CSMD1: variants seen among roughly 807,000 people sequenced by gnomAD.
CSMD1 encodes the protein CUB and sushi domain-containing protein 1.
In CSMD1, 213 loss-of-function variants were observed where a neutral mutation model predicts 417.5. The observed-to-expected ratio is 0.51, with a 90% CI of 0.46 to 0.57. CSMD1 has a LOEUF of 0.57. Ranked by LOEUF, CSMD1 falls within the 20% of genes least tolerant of loss-of-function variation. The probability of loss-of-function intolerance (pLI) is 0.00; values close to 1 mark genes in which losing one functional copy is unlikely to be tolerated. For synonymous variants in CSMD1, 2,862 were observed against 1,736.8 expected, an observed-to-expected ratio of 1.65 and a Z score of -16.11; for missense variants, 6,923 against 4,529.7, an observed-to-expected ratio of 1.53 and a Z score of -15.17.
intron 6 of CSMD1, among the ~76,000 whole-genome samples, chr8:3,717,178 C>G (rs1334390194): frequency 6.6e-6 from 1 of 152,100 alleles, no homozygotes; most frequent in Non-Finnish European, 1.5e-5. Flanking sequence ...ATAATTATTA[C>G]ATTTTTTCAT....
intron 25 of CSMD1, among the ~76,000 whole-genome samples, chr8:3,302,336 A>G (rs1468577712): frequency 1.3e-5 from 2 of 152,042 alleles, no homozygotes; most frequent in African/African-American, 4.8e-5. Flanking sequence ...CATCGTTCTC[A>G]TCACAGCATC....
chr8:3,439,772 A>G (rs1814850612), intron 12 of CSMD1, among the ~76,000 whole-genome samples: 1 of 152,136 alleles, frequency 6.6e-6, no homozygotes, highest in Non-Finnish European at 1.5e-5. Context: ...TCTTTTACTA[A>G]AACTTTTATA....
chr8:2,999,431 G>C (rs934021112), intron 53 of CSMD1, among the ~76,000 whole-genome samples: 8 of 152,044 alleles, frequency 5.3e-5, no homozygotes, highest in Admixed American at 4.6e-4. Flanking sequence ...TGGGATTACA[G>C]GCGTGAGCCA....
chr8:3,039,343 CCG>C (rs1473946894), intron 50 of CSMD1, among the ~76,000 whole-genome samples: 15 of 148,586 alleles, frequency 1.0e-4, no homozygotes, highest in African/African-American at 3.6e-4. Flanking sequence ...TTCTTCCTTT[CCG>C]CCTTCCTTCC....
chr8:4,967,603 C>A (rs532897433), intron 1 of CSMD1, among the ~76,000 whole-genome samples: 1 of 152,132 alleles, frequency 6.6e-6, no homozygotes, highest in Admixed American at 6.6e-5. Context: ...AGAGTTGTAA[C>A]AGTACCTATA....
intron 1 of CSMD1, among the ~76,000 whole-genome samples, chr8:4,850,998 T>G (rs544162180): frequency 2.0e-5 from 3 of 151,898 alleles, no homozygotes; most frequent in Admixed American, 1.3e-4. Flanking sequence ...GTGCACAAAG[T>G]GCAGGTTAGT....
At chr8:4,691,993 T>C (rs1039994005) in intron 1 of CSMD1, among the ~76,000 whole-genome samples, 4 of 152,180 alleles carry the variant, frequency 2.6e-5, no homozygotes, top group African/African-American at 9.7e-5. Flanking sequence ...TCTCAATCCA[T>C]CTTCAGTGCC....
At chr8:4,302,508 G>A (rs982430070) in intron 3 of CSMD1, among the ~76,000 whole-genome samples, 2 of 152,124 alleles carry the variant, frequency 1.3e-5, no homozygotes, top group African/African-American at 4.8e-5. Context: ...CCACAGTAGC[G>A]TGCTTGCATG....
At chr8:3,901,145 C>G (rs766414991) in intron 5 of CSMD1, among the ~76,000 whole-genome samples, 1 of 152,034 alleles carries the variant, frequency 6.6e-6, no homozygotes, top group Non-Finnish European at 1.5e-5. Flanking sequence ...TACTGATAAC[C>G]GTGGAGAAAT....
At chr8:4,543,276 A>G (rs935938575) in intron 2 of CSMD1, among the ~76,000 whole-genome samples, 1 of 152,032 alleles carries the variant, frequency 6.6e-6, no homozygotes, top group Non-Finnish European at 1.5e-5. Context: ...TGCCCTAAAG[A>G]TCCCCAAAGC....
At chr8:3,374,760 C>T (rs963541587) in intron 18 of CSMD1, among the ~76,000 whole-genome samples, 2 of 152,150 alleles carry the variant, frequency 1.3e-5, no homozygotes, top group Non-Finnish European at 2.9e-5. Flanking sequence ...CCTACGGCTT[C>T]CTACTGATGT....
At chr8:4,653,055 G>A (rs922044377) in intron 1 of CSMD1, among the ~76,000 whole-genome samples, 1 of 152,032 alleles carries the variant, frequency 6.6e-6, no homozygotes, top group Admixed American at 6.5e-5. Flanking sequence ...TCAGTCCAGG[G>A]CTTGGGGACC....
At chr8:4,918,169 T>C (rs1330221955) in intron 1 of CSMD1, among the ~76,000 whole-genome samples, 1 of 152,214 alleles carries the variant, frequency 6.6e-6, no homozygotes, top group Non-Finnish European at 1.5e-5. Flanking sequence ...CGTGTTGGTG[T>C]TGGTGACTCC....
chr8:4,455,207 T>C (rs1353042464), intron 2 of CSMD1, among the ~76,000 whole-genome samples: 4 of 151,680 alleles, frequency 2.6e-5, no homozygotes, highest in Non-Finnish European at 4.4e-5. Context: ...ACTCTCTTTA[T>C]CTTACTCTGA....
intron 1 of CSMD1, among the ~76,000 whole-genome samples, chr8:4,894,531 G>T (rs1368819445): frequency 7.1e-6 from 1 of 140,560 alleles, no homozygotes; most frequent in Non-Finnish European, 1.5e-5. Context: ...CCAGCCTGGG[G>T]ACAACAGCGA....
At chr8:4,326,044 T>G (rs1422505243) in intron 3 of CSMD1, among the ~76,000 whole-genome samples, 1 of 152,152 alleles carries the variant, frequency 6.6e-6, no homozygotes, top group African/African-American at 2.4e-5. Flanking sequence ...TTTGTTGACC[T>G]AACACGGGAT....
chr8:3,366,715 G>A lies in CSMD1; in HGVS notation c.3115+317C>T, dbSNP rs566987328. Among the ~76,000 whole-genome samples, 81 of 152,260 alleles carry A rather than the reference G, an allele frequency of 5.3e-4. 2 individuals carry two copies. In the South Asian group the frequency reaches 0.016, roughly 31 times the overall value. On this transcript the variant is annotated intron_variant, in intron 20 of 69. Coordinates refer to ENST00000635120, the MANE Select transcript of CSMD1 (RefSeq NM_033225.6). ...TCCCAATAAAGGAACTTTCCTCAGA[G>A]ATCTTGTAGAGTTGGTGAAGAGAAT...
intron 11 of CSMD1, among the ~76,000 whole-genome samples, chr8:3,479,431 C>T (rs758979104): frequency 7.2e-5 from 11 of 152,230 alleles, no homozygotes; most frequent in Non-Finnish European, 1.5e-4. Flanking sequence ...CAGGCATGCA[C>T]CACCATGCCC....
chr8:3,600,118 T>A (rs1378581032), intron 8 of CSMD1, among the ~76,000 whole-genome samples: 2 of 152,142 alleles, frequency 1.3e-5, no homozygotes, highest in Non-Finnish European at 2.9e-5. Flanking sequence ...AGCGAGGAAT[T>A]AATTTAAGAC....
Sources: allele counts gnomAD v4.1 joint callset (sites outside exome capture counted in the v4.1 genomes callset), GRCh38; gene constraint gnomAD v4.1.1; transcripts MANE v1.5; gene names NCBI Gene and HGNC (gene_info 2026-07-23, HGNC 2026-07-21).